The following MARCHF1 variants were observed in gnomAD, a reference collection of about 807,000 sequenced individuals.
MARCHF1 encodes membrane associated ring-CH-type finger 1.
Under a neutral mutation model 54.2 loss-of-function variants are expected in MARCHF1, and 40 were observed. The observed-to-expected ratio is 0.74, with a 90% CI of 0.57 to 0.96. The LOEUF is 0.96. Ranked by LOEUF, MARCHF1 falls within the 40% of genes least tolerant of loss-of-function variation. The probability of loss-of-function intolerance (pLI) is 0.00; values close to 1 mark genes in which losing one functional copy is unlikely to be tolerated. For missense variants in MARCHF1, 586 were observed against 656.5 expected (o/e 0.89, Z 1.17); for synonymous variants, 236 against 236.3 (o/e 1.00, Z 0.01).
chr4:164,355,360 A>G lies in MARCHF1; in HGVS notation c.-323+28510T>C, dbSNP rs951731714. Reference sequence around the variant, plus strand: ...GGAGGCATCACACTACCTGACTTCAAACTATACTACAAGGCTACAGTAACC... The same window carrying G: ...GGAGGCATCACACTACCTGACTTCAGACTATACTACAAGGCTACAGTAACC... On this transcript the variant is annotated intron_variant, in intron 1 of 9. Coordinates refer to ENST00000514618, the MANE Select transcript of MARCHF1 (RefSeq NM_001394959.1). Among the ~76,000 whole-genome samples, 6 of 105,576 alleles carry G rather than the reference A, an allele frequency of 5.7e-5. 1 individual carries two copies. Among genetic ancestry groups the G allele is most frequent in the Non-Finnish European group, 9.8e-5 (5 of 50,798 alleles). 69.3% of individuals were successfully genotyped at this position (105,576 alleles called of 152,430 possible).
At chr4:164,267,294 T>C (rs1733635079) in intron 1 of MARCHF1, among the ~76,000 whole-genome samples, 2 of 152,232 alleles carry the variant, frequency 1.3e-5, no homozygotes, top group Non-Finnish European at 2.9e-5. Context: ...TAATATAAGC[T>C]GGTCCCAGGT....
chr4:163,750,412 G>C (rs1469577576), intron 4 of MARCHF1, among the ~76,000 whole-genome samples: 1 of 151,668 alleles, frequency 6.6e-6, no homozygotes, highest in African/African-American at 2.4e-5. Flanking sequence ...TCAGGAGGCT[G>C]GGGCAGGAGA....
At chr4:164,252,091 T>TA (rs1237211680) in intron 1 of MARCHF1, among the ~76,000 whole-genome samples, 5 of 152,138 alleles carry the variant, frequency 3.3e-5, no homozygotes, top group Non-Finnish European at 5.9e-5. Flanking sequence ...TATGAGTATT[T>TA]AAAAAATCCT....
chr4:163,705,226 C>A (rs7669881), intron 4 of MARCHF1, among the ~76,000 whole-genome samples: 1 of 151,370 alleles, frequency 6.6e-6, no homozygotes, highest in African/African-American at 2.4e-5. Context: ...TCCAATATTA[C>A]GTATACTATT....
chr4:164,217,811 G>C (rs1731975462), intron 1 of MARCHF1, among the ~76,000 whole-genome samples: 1 of 152,036 alleles, frequency 6.6e-6, no homozygotes, highest in Non-Finnish European at 1.5e-5. Context: ...TGTTCTTTTT[G>C]CCTATATGGT....
chr4:164,097,519 CTTG>C (rs1755442590), intron 2 of MARCHF1, among the ~76,000 whole-genome samples: 1 of 152,134 alleles, frequency 6.6e-6, no homozygotes, highest in Non-Finnish European at 1.5e-5. Flanking sequence ...ATGCCTAGAT[CTTG>C]TTAAGTTTAC....
In MARCHF1 at chr4:163,590,057, G is replaced by GGTGTGTGTGTGTGTGTGTGTGTGT. The variant is rs34885496; in HGVS notation, c.1011-4152_1011-4129dup. 5.7e-3 allele frequency among the ~76,000 whole-genome samples: 834 copies of GGTGTGTGTGTGTGTGTGTGTGTGT among 146,224 alleles called. 9 individuals carry two copies. The highest frequency in any genetic ancestry group is 0.017 in the East Asian group (85 of 4,974). Reference sequence around the variant, plus strand: ...TGCAGCAAATTAAATTTTAGATTTTGGTGTGTGTGTGTGTGTGTGTGTGTG... The same window carrying GGTGTGTGTGTGTGTGTGTGTGTGT: ...TGCAGCAAATTAAATTTTAGATTTTGGTGTGTGTGTGTGTGTGTGTGTGTGTGTGTGTGTGTGTGTGTGTGTGTG... On this transcript the variant is annotated intron_variant, in intron 7 of 9. Transcript: ENST00000514618.
intron 1 of MARCHF1, among the ~76,000 whole-genome samples, chr4:164,277,631 C>A (rs1410264623): frequency 1.3e-5 from 2 of 152,254 alleles, no homozygotes; most frequent in Non-Finnish European, 2.9e-5. Context: ...GAGGCCCATT[C>A]TCTTTTGCAA....
At chr4:164,109,912 T>TAA (rs57433858) in intron 2 of MARCHF1, among the ~76,000 whole-genome samples, 3,867 of 63,146 alleles carry the variant, frequency 0.061, 193 homozygotes, top group African/African-American at 0.11. Context: ...AAAATAAAAG[T>TAA]AAAAAAAAAA....
chr4:163,683,218 G>A (rs968677921), intron 5 of MARCHF1, among the ~76,000 whole-genome samples: 4 of 152,180 alleles, frequency 2.6e-5, no homozygotes, highest in South Asian at 2.1e-4. Flanking sequence ...ACACTTCCAC[G>A]TGGCTGGGGA....
At chr4:163,542,044 C>G (rs948322013) in intron 9 of MARCHF1, among the ~76,000 whole-genome samples, 1 of 152,234 alleles carries the variant, frequency 6.6e-6, no homozygotes, top group Non-Finnish European at 1.5e-5. Context: ...ACCACGGACA[C>G]TGCTTCTTGA....
intron 8 of MARCHF1, among the ~76,000 whole-genome samples, chr4:163,561,575 T>C (rs1306288289): frequency 1.3e-5 from 2 of 152,194 alleles, no homozygotes; most frequent in African/African-American, 2.4e-5. Context: ...ATTTCACTAT[T>C]AGCACGTTTT....
chr4:163,966,321 G>T (rs1014344530), intron 3 of MARCHF1, among the ~76,000 whole-genome samples: 1 of 151,766 alleles, frequency 6.6e-6, no homozygotes, highest in Admixed American at 6.6e-5. Flanking sequence ...CAGCTTTAGG[G>T]TATTAAATAT....
chr4:164,027,504 A>T (rs1274976492), intron 2 of MARCHF1, among the ~76,000 whole-genome samples: 14 of 151,792 alleles, frequency 9.2e-5, no homozygotes, highest in Admixed American at 8.6e-4. Flanking sequence ...ATGGGAAATG[A>T]TTCCTTATTT....
intron 1 of MARCHF1, among the ~76,000 whole-genome samples, chr4:164,145,103 T>C (rs375742028): frequency 6.8e-6 from 1 of 147,932 alleles, no homozygotes; most frequent in Non-Finnish European, 1.5e-5. Context: ...ACACATACAC[T>C]CTCCCAAGAC....
At chr4:163,841,826 C>G (rs1749348756) in intron 4 of MARCHF1, among the ~76,000 whole-genome samples, 1 of 152,116 alleles carries the variant, frequency 6.6e-6, no homozygotes, top group Non-Finnish European at 1.5e-5. Context: ...TAAAGAATAA[C>G]TGGATTGTTA....
At chr4:163,620,376 G>A (rs1280085443) in intron 5 of MARCHF1, among the ~76,000 whole-genome samples, 2 of 152,046 alleles carry the variant, frequency 1.3e-5, no homozygotes, top group Non-Finnish European at 1.5e-5. Flanking sequence ...ATAAAAAAAT[G>A]TATACCATTA....
chr4:164,329,326 C>T lies in MARCHF1; in HGVS notation c.-323+54544G>A, dbSNP rs183182932. ...AATAATATGTATTTATATTACAATA[C>T]AAGAAAGTAGTCAATGTGCTCCACA... On this transcript the variant is annotated intron_variant, in intron 1 of 9. Coordinates refer to ENST00000514618, the MANE Select transcript of MARCHF1 (RefSeq NM_001394959.1). Among the ~76,000 whole-genome samples, 5 of 150,664 alleles carry T rather than the reference C, an allele frequency of 3.3e-5. No individual in the cohort carries two copies. The East Asian group carries it at 9.7e-4, about 29-fold the overall frequency.
At chr4:164,176,968 CTCTCTCTCTCTCTATATATATA>C (rs1333413391) in intron 1 of MARCHF1, among the ~76,000 whole-genome samples, 5 of 43,338 alleles carry the variant, frequency 1.2e-4, no homozygotes, top group African/African-American at 5.3e-4. Context: ...CTCTCTCTCT[CTCTCTCTCTCTCTATATATATA>C]TATATATATA....
Sources: allele counts gnomAD v4.1 joint callset (sites outside exome capture counted in the v4.1 genomes callset), GRCh38; gene constraint gnomAD v4.1.1; transcripts MANE v1.5; gene names NCBI Gene and HGNC (gene_info 2026-07-23, HGNC 2026-07-21).